The following GAB2 variants were observed in gnomAD, a reference collection of about 807,000 sequenced individuals.
The protein encoded by GAB2 is GRB2 associated binding protein 2.
Under a neutral mutation model 65.5 loss-of-function variants are expected in GAB2, and 26 were observed. The ratio of observed to expected loss-of-function variants is 0.40; its 90% confidence interval spans 0.29 to 0.55. GAB2 has a LOEUF of 0.55. Among genes scored for constraint, GAB2 ranks in the 20% least tolerant of loss-of-function variants. The pLI is 0.53. For synonymous variants in GAB2, 321 were observed against 329.6 expected, an observed-to-expected ratio of 0.97 and a Z score of 0.28; for missense variants, 884 against 875.8, an observed-to-expected ratio of 1.01 and a Z score of -0.12.
intron 1 of GAB2, among the ~76,000 whole-genome samples, chr11:78,412,095 G>T (rs1857137452): frequency 6.6e-6 from 1 of 151,092 alleles, no homozygotes. Flanking sequence ...CCGAGATCAT[G>T]CCATTGCACT....
intron 3 of GAB2, among the ~76,000 whole-genome samples, chr11:78,230,649 A>G (rs754838950): frequency 6.6e-6 from 1 of 152,244 alleles, no homozygotes; most frequent in African/African-American, 2.4e-5. Flanking sequence ...CAGGCATATG[A>G]TAGATAATAG....
chr11:78,242,545 G>C (rs1210726778), intron 3 of GAB2, among the ~76,000 whole-genome samples: 1 of 151,864 alleles, frequency 6.6e-6, no homozygotes, highest in Non-Finnish European at 1.5e-5. Context: ...GAAATGTCTG[G>C]AAACAAATGA....
At chr11:78,361,777 C>A (rs1371523223) in intron 1 of GAB2, among the ~76,000 whole-genome samples, 1 of 152,106 alleles carries the variant, frequency 6.6e-6, no homozygotes, top group Non-Finnish European at 1.5e-5. Flanking sequence ...TAGTTACAAA[C>A]CCTCTGGAGA....
At chr11:78,246,922 G>A (rs904864383) in intron 3 of GAB2, among the ~76,000 whole-genome samples, 5 of 152,230 alleles carry the variant, frequency 3.3e-5, no homozygotes, top group South Asian at 2.1e-4. Context: ...CACTCGATTC[G>A]GTTTGTCCCA....
chr11:78,257,815 A>AT (rs534258454), intron 2 of GAB2, among the ~76,000 whole-genome samples: 2,860 of 146,388 alleles, frequency 0.02, 97 homozygotes, highest in African/African-American at 0.067. Flanking sequence ...TATTACCTCC[A>AT]TTTTTTTTTT....
chr11:78,268,992 G>A (rs1590983500), intron 2 of GAB2, among the ~76,000 whole-genome samples: 1 of 152,076 alleles, frequency 6.6e-6, no homozygotes, highest in African/African-American at 2.4e-5. Context: ...GATGGAGGAG[G>A]AAGGCCTGAT....
At position 78,390,057 on chromosome 11, in the gene GAB2, T is replaced by C. The variant is rs116954287; in HGVS notation, c.75+27589A>G. On this transcript the variant is annotated intron_variant, in intron 1 of 9. Transcript: ENST00000361507. ...TTTAGAGTACAGTTTATGTTAACAC[T>C]ACACACGCCACGTGCAGTAACAAAA... Among the ~76,000 whole-genome samples the C allele has an allele frequency of 4.0e-4, 61 of 152,292 alleles. No individual in the cohort carries two copies. The East Asian group carries it at 9.1e-3, about 23-fold the overall frequency.
chr11:78,378,035 AG>A (rs1856653341), intron 1 of GAB2, among the ~76,000 whole-genome samples: 1 of 152,164 alleles, frequency 6.6e-6, no homozygotes, highest in African/African-American at 2.4e-5. Flanking sequence ...AGGCACAGGT[AG>A]CTCTAGTCTG....
At chr11:78,409,187 A>G (rs1857093098) in intron 1 of GAB2, among the ~76,000 whole-genome samples, 1 of 152,224 alleles carries the variant, frequency 6.6e-6, no homozygotes, top group Non-Finnish European at 1.5e-5. Context: ...TCAGATAACA[A>G]GTAGACCTCA....
intron 1 of GAB2, among the ~76,000 whole-genome samples, chr11:78,299,899 G>C (rs536741367): frequency 6.6e-6 from 1 of 152,292 alleles, no homozygotes; most frequent in South Asian, 2.1e-4. Context: ...AGAATTAAAA[G>C]AATGACCCTG....
chr11:78,413,132 C>A (rs1436257761), intron 1 of GAB2, among the ~76,000 whole-genome samples: 1 of 152,142 alleles, frequency 6.6e-6, no homozygotes, highest in Non-Finnish European at 1.5e-5. Flanking sequence ...GACTGGGAAA[C>A]ATTCAAATAG....
At chr11:78,416,411 T>G (rs572064532) in intron 1 of GAB2, among the ~76,000 whole-genome samples, 1 of 152,240 alleles carries the variant, frequency 6.6e-6, no homozygotes, top group Non-Finnish European at 1.5e-5. Flanking sequence ...AGTCCCTTGA[T>G]TCTGATCTGG....
intron 2 of GAB2, among the ~76,000 whole-genome samples, chr11:78,260,395 C>A (rs142904355): frequency 2.0e-5 from 3 of 152,346 alleles, no homozygotes; most frequent in East Asian, 1.9e-4. Context: ...CCTTTTACAA[C>A]CTTCTTTGGC....
chr11:78,254,619 G>A (rs1434369502), intron 2 of GAB2, among the ~76,000 whole-genome samples: 1 of 152,102 alleles, frequency 6.6e-6, no homozygotes, highest in East Asian at 1.9e-4. Flanking sequence ...GGGAAACCTA[G>A]TGAGAGTCGT....
At chr11:78,230,419 A>C (rs757913110) in intron 3 of GAB2, among the ~76,000 whole-genome samples, 10 of 152,264 alleles carry the variant, frequency 6.6e-5, no homozygotes, top group Non-Finnish European at 1.0e-4. Context: ...CACAAAGTCC[A>C]CAAGAAGCCT....
intron 1 of GAB2, 27 bp downstream of exon 1, chr11:78,417,619 C>A: frequency 7.8e-7 from 1 of 1,289,684 alleles, no homozygotes; most frequent in Admixed American, 2.6e-5. Context: ...CCCCCGCCCG[C>A]CCCTGGGCGG....
At chr11:78,350,938 C>A (rs1181364145) in intron 1 of GAB2, among the ~76,000 whole-genome samples, 1 of 152,228 alleles carries the variant, frequency 6.6e-6, no homozygotes, top group Non-Finnish European at 1.5e-5. Context: ...CACAACCCGA[C>A]AGGGGAACTG....
chr11:78,408,786 G>A (rs1857088017), intron 1 of GAB2, among the ~76,000 whole-genome samples: 1 of 152,056 alleles, frequency 6.6e-6, no homozygotes, highest in Non-Finnish European at 1.5e-5. Context: ...GAAGTGTGTA[G>A]TACCTCTCCC....
intron 1 of GAB2, among the ~76,000 whole-genome samples, chr11:78,379,025 G>A (rs1409811482): frequency 2.6e-5 from 4 of 152,160 alleles, no homozygotes; most frequent in Non-Finnish European, 5.9e-5. Context: ...GGTGTTGCAA[G>A]GAAGGAGAAA....
Sources: allele counts gnomAD v4.1 joint callset (sites outside exome capture counted in the v4.1 genomes callset), GRCh38; gene constraint gnomAD v4.1.1; transcripts MANE v1.5; gene names NCBI Gene and HGNC (gene_info 2026-07-23, HGNC 2026-07-21).